Variants in CACNA1C observed in about 807,000 individuals in gnomAD.
CACNA1C encodes the protein calcium voltage-gated channel subunit alpha1 C.
A neutral mutation model predicts 229.0 loss-of-function variants in CACNA1C; 30 were observed. The ratio of observed to expected loss-of-function variants is 0.13; its 90% CI spans 0.10 to 0.18. The LOEUF is 0.18. Among genes scored for constraint, CACNA1C ranks in the 10% least tolerant of loss-of-function variants. CACNA1C has a pLI of 1.00. For synonymous variants in CACNA1C, 1,114 were observed against 1,132.5 expected (o/e 0.98, Z 0.33); for missense variants, 1,658 against 2,845.0 (o/e 0.58, Z 9.49).
chr12:2,342,683 A>G (rs953828150), intron 3 of CACNA1C, among the ~76,000 whole-genome samples: 1 of 152,222 alleles, frequency 6.6e-6, no homozygotes, highest in African/African-American at 2.4e-5. Flanking sequence ...ATTTACTTTC[A>G]TCTTTTCCTG....
chr12:2,066,958 G>A (rs1284295704), intron 1 of CACNA1C, among the ~76,000 whole-genome samples: 2 of 152,006 alleles, frequency 1.3e-5, no homozygotes, highest in Non-Finnish European at 2.9e-5. Flanking sequence ...AAGAGGGAAC[G>A]GTCAGTGGGA....
intron 3 of CACNA1C, among the ~76,000 whole-genome samples, chr12:2,336,255 A>G (rs1313811578): frequency 6.6e-6 from 1 of 152,210 alleles, no homozygotes; most frequent in Non-Finnish European, 1.5e-5. Context: ...CTATCTTTCT[A>G]TTGTATTGGT....
At chr12:1,982,805 T>C (rs2036536890) in intron 1 of CACNA1C, among the ~76,000 whole-genome samples, 1 of 152,174 alleles carries the variant, frequency 6.6e-6, no homozygotes, top group Non-Finnish European at 1.5e-5. Context: ...CCTCATAAAA[T>C]GAGTTGGAAA....
intron 3 of CACNA1C, among the ~76,000 whole-genome samples, chr12:2,401,693 A>G (rs2098680836): frequency 6.6e-6 from 1 of 152,266 alleles, no homozygotes; most frequent in African/African-American, 2.4e-5. Context: ...CTTCTTTAAA[A>G]TGGACATAAT....
intron 3 of CACNA1C, among the ~76,000 whole-genome samples, chr12:2,184,105 G>T (rs1433414355): frequency 1.3e-5 from 2 of 152,190 alleles, no homozygotes; most frequent in Admixed American, 6.5e-5. Context: ...TGCAGCTTCT[G>T]ATTTCTTGGC....
intron 9 of CACNA1C, among the ~76,000 whole-genome samples, chr12:2,536,504 C>T (rs1038411939): frequency 6.6e-6 from 1 of 152,088 alleles, no homozygotes; most frequent in Non-Finnish European, 1.5e-5. Flanking sequence ...AGCTGATGAC[C>T]CTCTCTGGAC....
At chr12:2,087,069 GT>G (rs199558545) in intron 1 of CACNA1C, among the ~76,000 whole-genome samples, 2 of 152,226 alleles carry the variant, frequency 1.3e-5, no homozygotes, top group South Asian at 2.1e-4. Context: ...CCCAGGCTGG[GT>G]TTTTTTATCT....
chr12:2,320,081 G>A (rs1185329579), intron 3 of CACNA1C, among the ~76,000 whole-genome samples: 8 of 152,148 alleles, frequency 5.3e-5, no homozygotes, highest in South Asian at 2.1e-4. Context: ...CTCCAGCCCC[G>A]GGGATTCAGG....
intron 3 of CACNA1C, among the ~76,000 whole-genome samples, chr12:2,291,188 T>C (rs2093462576): frequency 6.6e-6 from 1 of 152,222 alleles, no homozygotes; most frequent in Non-Finnish European, 1.5e-5. Flanking sequence ...TGGTAACCCT[T>C]ATTACAACAA....
At chr12:2,056,083 C>T (rs542072236) in intron 1 of CACNA1C, among the ~76,000 whole-genome samples, 12 of 152,248 alleles carry the variant, frequency 7.9e-5, no homozygotes, top group Admixed American at 7.8e-4. Context: ...AAAAAGTTGT[C>T]AGTGGCGGGG....
At chr12:2,463,558 A>G in intron 5 of CACNA1C, among the ~76,000 whole-genome samples, 1 of 152,244 alleles carries the variant, frequency 6.6e-6, no homozygotes, top group East Asian at 1.9e-4. Context: ...TGGGGACACC[A>G]TACTTTGGGG....
chr12:2,598,452 G>T (rs2069835414), intron 21 of CACNA1C, among the ~76,000 whole-genome samples: 1 of 152,210 alleles, frequency 6.6e-6, no homozygotes, highest in Admixed American at 6.5e-5. Flanking sequence ...TGAGTTCCAT[G>T]ACCTCAGGGA....
chr12:2,268,872 C>A (rs1035340250), intron 3 of CACNA1C, among the ~76,000 whole-genome samples: 37 of 152,176 alleles, frequency 2.4e-4, no homozygotes, highest in African/African-American at 8.9e-4. Flanking sequence ...CCGGGCTGAG[C>A]ATTCCCTTCC....
At chr12:2,252,516 G>A (rs541959173) in intron 3 of CACNA1C, among the ~76,000 whole-genome samples, 59 of 152,276 alleles carry the variant, frequency 3.9e-4, no homozygotes, top group African/African-American at 1.2e-3. Context: ...AAGAAGCCCC[G>A]GAGCAGGCTT....
At chr12:2,216,620 T>G (rs1025174547) in intron 3 of CACNA1C, among the ~76,000 whole-genome samples, 7 of 152,230 alleles carry the variant, frequency 4.6e-5, no homozygotes, top group Admixed American at 3.3e-4. Flanking sequence ...TACTCTTGTC[T>G]GTACAGTAGA....
chr12:2,500,400 G>C (rs2099756821), intron 7 of CACNA1C, among the ~76,000 whole-genome samples: 1 of 152,210 alleles, frequency 6.6e-6, no homozygotes, highest in Non-Finnish European at 1.5e-5. Flanking sequence ...CAAGGCGCGT[G>C]GGTTTGTGTG....
rs61661669 is a variant in CACNA1C at position 2,601,486 on chromosome 12, C to T, written c.2854-368C>T. On this transcript the variant is annotated intron_variant, in intron 21 of 46. Coordinates refer to ENST00000399655, the MANE Select transcript of CACNA1C (RefSeq NM_000719.7). This position sits in a 1 kb window ranked among gnomAD's most constrained non-coding sequence, Gnocchi z 5.9. Reference sequence around the variant, plus strand: ...GCAGTCGGGATGTGTGCTCCCAACCCGACAGCATCAGGAAAGGACCCTGCA... The same window carrying T: ...GCAGTCGGGATGTGTGCTCCCAACCTGACAGCATCAGGAAAGGACCCTGCA... Among the ~76,000 whole-genome samples, 3,470 of 152,168 alleles carry T rather than the reference C, an allele frequency of 0.023. 137 individuals carry two copies. The highest frequency in any genetic ancestry group is 0.08 in the African/African-American group (3,305 of 41,494).
chr12:2,304,895 G>A lies in CACNA1C; in HGVS notation c.478-144081G>A, dbSNP rs534357078. Reference sequence around the variant, plus strand: ...GCAGAGGGTTTGGGTGAGAAAAGCCGCCATGCCCGGGGGCTTTATGTTTTT... The same window carrying A: ...GCAGAGGGTTTGGGTGAGAAAAGCCACCATGCCCGGGGGCTTTATGTTTTT... On this transcript the variant is annotated intron_variant, in intron 3 of 46. Transcript: ENST00000399655. 8.1e-4 allele frequency among the ~76,000 whole-genome samples: 123 copies of A among 152,332 alleles called. 1 individual carries two copies. Among genetic ancestry groups the A allele is most frequent in the African/African-American group, 2.9e-3 (120 of 41,582 alleles).
chr12:2,503,391 C>T (rs1377661724), intron 7 of CACNA1C, among the ~76,000 whole-genome samples: 1 of 152,176 alleles, frequency 6.6e-6, no homozygotes, highest in Non-Finnish European at 1.5e-5. Context: ...AGAACTTAAC[C>T]CTGTTTAGTC....
Sources: gnomAD v4.1 joint callset for allele counts (sites outside exome capture counted in the v4.1 genomes callset) on GRCh38, gnomAD v4.1.1 for gene constraint, Gnocchi (gnomAD v3.1) non-coding constraint, MANE v1.5 for transcripts, NCBI Gene and HGNC (gene_info 2026-07-23, HGNC 2026-07-21) for gene names.